Variants in ZFP82 observed in about 807,000 individuals in gnomAD.
ZFP82 encodes the protein zinc finger protein 82 homolog.
Under a neutral mutation model 54.0 loss-of-function variants are expected in ZFP82, and 30 were observed. That is an observed-to-expected ratio of 0.56 (90% CI 0.42 to 0.75). The LOEUF (loss-of-function observed/expected upper bound fraction) is 0.75, where lower values mean the gene tolerates loss of function less well. Ranked by LOEUF, ZFP82 falls within the 30% of genes least tolerant of loss-of-function variation. The pLI is 0.00. For synonymous variants in ZFP82, 194 were observed against 209.5 expected, an observed-to-expected ratio of 0.93 and a Z score of 0.64; for missense variants, 500 against 636.8, an observed-to-expected ratio of 0.79 and a Z score of 2.31.
chr19:36,393,784 T>C lies in ZFP82; in HGVS notation c.556A>G (p.Thr186Ala), dbSNP rs1838358423. The change falls in exon 5 of 5, where the codon ACT (threonine) becomes GCT (alanine). Residue 186 changes from threonine to alanine, a missense_variant. Coordinates refer to ENST00000392161, the MANE Select transcript of ZFP82 (RefSeq NM_133466.4). The stretch of plus-strand genomic sequence containing the variant: ...CCAGTATGAATTCTGTGATGAAAAG[T>C]AAGCTGTTGGCGCACTCTGAACGCC... ...GKAFRVRQQL[T>A]FHHRIHTGEK... 1.2e-6 allele frequency: 2 copies of C among 1,614,106 alleles called. No homozygotes were observed. The highest frequency in any genetic ancestry group is 1.3e-5 in the African/African-American group (1 of 74,994).
chr19:36,408,798 C>A (rs1246060967), intron 2 of ZFP82, among the ~76,000 whole-genome samples: 1 of 151,714 alleles, frequency 6.6e-6, no homozygotes, highest in African/African-American at 2.4e-5. Flanking sequence ...GCCTAGCCAA[C>A]AAGAACAAAA....
Position 36,390,504 on chromosome 19 carries a change from C to T in ZFP82, c.*2237G>A, listed in dbSNP as rs1289701241. 2.0e-5 allele frequency: 3 copies of T among 152,076 alleles called. No individual in the cohort carries two copies. Among genetic ancestry groups the T allele is most frequent in the Non-Finnish European group, 2.9e-5 (2 of 68,016 alleles). 9.4% of individuals were successfully genotyped at this position (152,076 alleles called of 1,614,324 possible). A position where few individuals can be genotyped will look rare whatever the true frequency, so the allele number is the denominator to read the frequency against. On this transcript the variant is annotated 3_prime_UTR_variant, in exon 5 of 5. Transcript: ENST00000392161. ...GGTTTGGAGACTAACTTGTACTTCTCAGTTTTGGGGGAGCCAAGAAAACTT... is the reference window on the plus strand; with the variant it reads ...GGTTTGGAGACTAACTTGTACTTCTTAGTTTTGGGGGAGCCAAGAAAACTT...
chr19:36,394,703 T>G (rs1421294654), intron 4 of ZFP82: 1 of 152,324 alleles, frequency 6.6e-6, no homozygotes, highest in Non-Finnish European at 1.5e-5. Flanking sequence ...ACAAATCTCC[T>G]GATTGGGCTC....
chr19:36,384,008 C>T (rs2032088789), downstream of ZFP82: 1 of 151,988 alleles, frequency 6.6e-6, no homozygotes, highest in African/African-American at 2.4e-5. Flanking sequence ...ATAAGGAAAA[C>T]ATATTTCACT....
chr19:36,389,126 G>C lies in ZFP82; in HGVS notation c.*3615C>G, dbSNP rs1206542656. On this transcript the variant is annotated 3_prime_UTR_variant, in exon 5 of 5. Coordinates refer to ENST00000392161, the MANE Select transcript of ZFP82 (RefSeq NM_133466.4). ...GTGATCTCAGCTCACTGCAACCTCC[G>C]CCTCCTGGGTTCAAGCGATTTTCCT... Among the ~76,000 whole-genome samples the C allele has an allele frequency of 6.7e-6, 1 of 150,262 alleles. No homozygotes were observed. Among genetic ancestry groups the C allele is most frequent in the Admixed American group, 6.7e-5 (1 of 14,924 alleles).
chr19:36,416,927 G>A (rs2032681357), intron 1 of ZFP82, among the ~76,000 whole-genome samples: 1 of 131,172 alleles, frequency 7.6e-6, no homozygotes, highest in African/African-American at 2.6e-5. Flanking sequence ...ACAAAAATTA[G>A]CTGGGTGTGG....
In ZFP82 at chr19:36,393,660, T is replaced by C; in HGVS notation, c.680A>G (p.Glu227Gly). 2.5e-6 allele frequency: 4 copies of C among 1,614,084 alleles called. No individual in the cohort carries two copies. The South Asian group carries it at 4.4e-5, about 18-fold the overall frequency. ...QRLHSGEKLY[E>G]CKECGEAFIC... ...GAAAGCTTCCCCACATTCCTTACAT[T>C]CATAGAGTTTTTCACCAGAATGAAG... Residue 227 changes from glutamate (E) to glycine (G), a missense_variant, in exon 5 of 5, where the codon GAA becomes GGA. By Grantham distance (98) the Glu-to-Gly change is moderately conservative (BLOSUM62 -2). Transcript: ENST00000392161.
At chr19:36,405,792 T>A in intron 3 of ZFP82, 120 bp from the exon 4 acceptor site, 1 of 571,320 alleles carries the variant, frequency 1.8e-6, no homozygotes, top group Non-Finnish European at 2.8e-6. Context: ...AACAAATAAG[T>A]GAAAGATGTT....
chr19:36,406,049 T>G (rs2032476427), intron 3 of ZFP82, among the ~76,000 whole-genome samples: 1 of 152,176 alleles, frequency 6.6e-6, no homozygotes, highest in African/African-American at 2.4e-5. Flanking sequence ...CTTATATGAT[T>G]ATTGTTAAGA....
intron 2 of ZFP82, among the ~76,000 whole-genome samples, chr19:36,408,284 G>A (rs993484227): frequency 6.6e-6 from 1 of 152,036 alleles, no homozygotes; most frequent in East Asian, 1.9e-4. Flanking sequence ...AAAAAAATCA[G>A]TTTTCCAATT....
intron 4 of ZFP82, among the ~76,000 whole-genome samples, chr19:36,398,368 C>T (rs1435104868): frequency 6.6e-6 from 1 of 152,072 alleles, no homozygotes; most frequent in Non-Finnish European, 1.5e-5. Context: ...GAAACCCTGT[C>T]TCTATTAAAA....
chr19:36,413,177 G>A (rs1481398789), intron 1 of ZFP82, among the ~76,000 whole-genome samples: 1 of 152,146 alleles, frequency 6.6e-6, no homozygotes, highest in Non-Finnish European at 1.5e-5. Context: ...TTGGGAGGCC[G>A]AGGTGGGCAG....
exon 2 of ZFP82, chr19:36,383,208 T>C (rs570686571): frequency 6.6e-6 from 1 of 152,164 alleles, no homozygotes; most frequent in Non-Finnish European, 1.5e-5. Context: ...CACATATATA[T>C]AGAGAGAGAG....
chr19:36,406,872 GT>G (rs2032490842), intron 3 of ZFP82, among the ~76,000 whole-genome samples: 2 of 151,982 alleles, frequency 1.3e-5, no homozygotes, highest in African/African-American at 4.8e-5. Flanking sequence ...TTTGATACAT[GT>G]CATTGTGGAA....
At chr19:36,408,173 C>G (rs1466142858) in intron 2 of ZFP82, among the ~76,000 whole-genome samples, 160 bp from the exon 3 acceptor site, 2 of 152,150 alleles carry the variant, frequency 1.3e-5, no homozygotes, top group Non-Finnish European at 2.9e-5. Flanking sequence ...AATGAGTGTG[C>G]CTGAAGCAAA....
Position 36,392,773 on chromosome 19 carries a change from G to A in ZFP82, c.1567C>T (p.His523Tyr), listed in dbSNP as rs753446973. ...KAFRQHSHLTHHLKIHNVKI is the reference protein window; with the variant it reads ...KAFRQHSHLTYHLKIHNVKI ...TTTACATTATGAATTTTCAGATGATGAGTAAGGTGTGAATGTTGCCTAAAG... is the reference window on the plus strand; with the variant it reads ...TTTACATTATGAATTTTCAGATGATAAGTAAGGTGTGAATGTTGCCTAAAG... Residue 523 changes from histidine (H) to tyrosine (Y), a missense_variant, in exon 5 of 5, where the codon CAT becomes TAT. By Grantham distance (83) the His-to-Tyr change is moderately conservative (BLOSUM62 2). Transcript: ENST00000392161. 13 of 1,579,998 alleles carry A rather than the reference G, an allele frequency of 8.2e-6. No individual in the cohort carries two copies. In the African/African-American group the frequency reaches 1.6e-4, roughly 20 times the overall value.
At chr19:36,413,557 T>A (rs2032615040) in intron 1 of ZFP82, among the ~76,000 whole-genome samples, 1 of 152,222 alleles carries the variant, frequency 6.6e-6, no homozygotes, top group Non-Finnish European at 1.5e-5. Flanking sequence ...AAGGAAGATA[T>A]TCATGATAAA....
intron 4 of ZFP82, chr19:36,395,153 T>C (rs2032272390): frequency 6.6e-6 from 1 of 152,268 alleles, no homozygotes. Context: ...CTTATGCCTT[T>C]ACCTATGCAG....
rs559516965 is a variant in ZFP82, at chr19:36,391,554, A to G, written c.*1187T>C. On this transcript the variant is annotated 3_prime_UTR_variant, in exon 5 of 5. Coordinates refer to ENST00000392161, the MANE Select transcript of ZFP82 (RefSeq NM_133466.4). ...ACAATCACAGCTCACTGAAGCCTCA[A>G]CTCTTGGGTTCAAATGATCCTCCCA... The G allele has an allele frequency of 6.6e-6, 1 of 151,508 alleles. No individual in the cohort carries two copies. Among genetic ancestry groups the G allele is most frequent in the East Asian group, 1.9e-4 (1 of 5,166 alleles). 9.4% of individuals were successfully genotyped at this position (151,508 alleles called of 1,614,324 possible). A position where few individuals can be genotyped will look rare whatever the true frequency, so the allele number is the denominator to read the frequency against.
Sources: allele counts gnomAD v4.1 joint callset (sites outside exome capture counted in the v4.1 genomes callset), GRCh38; gene constraint gnomAD v4.1.1; transcripts MANE v1.5; gene names NCBI Gene and HGNC (gene_info 2026-07-23, HGNC 2026-07-21).